The following DAPK1 variants were observed in gnomAD, a reference collection of about 807,000 sequenced individuals.
DAPK1 encodes death associated protein kinase 1.
Under a neutral mutation model 144.9 loss-of-function variants are expected in DAPK1, and 56 were observed. The observed-to-expected ratio is 0.39, with a 90% CI of 0.31 to 0.48. The LOEUF is 0.48. Among genes scored for constraint, DAPK1 ranks in the 20% least tolerant of loss-of-function variants. The probability of loss-of-function intolerance (pLI) is 0.95; values close to 1 mark genes in which losing one functional copy is unlikely to be tolerated. For synonymous variants in DAPK1, 690 were observed against 749.0 expected, an observed-to-expected ratio of 0.92 and a Z score of 1.29; for missense variants, 1,454 against 1,875.4, an observed-to-expected ratio of 0.78 and a Z score of 4.15.
chr9:87,549,612 A>T (rs1045832513), intron 2 of DAPK1, among the ~76,000 whole-genome samples: 3 of 152,184 alleles, frequency 2.0e-5, no homozygotes, highest in Non-Finnish European at 4.4e-5. Context: ...AGAATGTAGA[A>T]TGAAGAACAC....
intron 2 of DAPK1, among the ~76,000 whole-genome samples, chr9:87,514,649 G>A (rs1455981366): frequency 1.3e-5 from 2 of 152,174 alleles, no homozygotes; most frequent in African/African-American, 4.8e-5. Context: ...AGGAGGGTTC[G>A]CATTAATTGT....
intron 7 of DAPK1, among the ~76,000 whole-genome samples, chr9:87,640,058 G>A (rs1029871964): frequency 4.6e-5 from 7 of 152,170 alleles, no homozygotes; most frequent in Admixed American, 1.3e-4. Context: ...CATCACTGCC[G>A]AGAAAACAGG....
At position 87,706,898 on chromosome 9, in the gene DAPK1, A is replaced by C; in HGVS notation, c.3827A>C (p.Lys1276Thr). ...TSLTNTMGGY[K>T]ESFSSIMCFG... ...CTGACCAACACCATGGGGGGGTACA[A>C]GGAAAGCTTCAGCAGCATCATGTGC... Residue 1276 changes from lysine (K) to threonine (T), a missense_variant, in exon 26 of 26, where the codon AAG (lysine) becomes ACG (threonine). This residue lies in a region of DAPK1 where 1,025 missense variants were observed against 1,237.9 expected (regional missense o/e 0.83). Coordinates refer to ENST00000408954, the MANE Select transcript of DAPK1 (RefSeq NM_004938.4). The surrounding 1 kb of genome is among the most constrained non-coding windows in gnomAD (Gnocchi z 9.0). 6.2e-7 allele frequency: 1 copy of C among 1,614,016 alleles called. No individual in the cohort carries two copies. The highest frequency in any genetic ancestry group is 8.5e-7 in the Non-Finnish European group (1 of 1,180,010).
chr9:87,505,586 G>A (rs1191817457), intron 2 of DAPK1, among the ~76,000 whole-genome samples: 1 of 152,062 alleles, frequency 6.6e-6, no homozygotes, highest in African/African-American at 2.4e-5. Context: ...TAGTAGAGAC[G>A]GGGTTTCACC....
intron 19 of DAPK1, among the ~76,000 whole-genome samples, chr9:87,669,448 C>T (rs959963062): frequency 1.3e-4 from 19 of 151,822 alleles, no homozygotes; most frequent in African/African-American, 3.6e-4. Flanking sequence ...TGATGTTTTT[C>T]GATTTTGCTA....
In DAPK1 at chr9:87,706,888, G is replaced by A. The variant is rs763428159; in HGVS notation, c.3817G>A (p.Gly1273Arg). The A allele has an allele frequency of 2.5e-6, 4 of 1,613,864 alleles. No individual in the cohort carries two copies. The highest frequency in any genetic ancestry group is 3.4e-6 in the Non-Finnish European group (4 of 1,180,008). The change falls in exon 26 of 26, where the codon GGG (glycine) becomes AGG (arginine). Residue 1273 changes from glycine (G) to arginine (R), a missense_variant. Transcript: ENST00000408954. This position sits in a 1 kb window ranked among gnomAD's most constrained non-coding sequence, Gnocchi z 9.0. ...LKETSLTNTM[G>R]GYKESFSSIM... ...GGAAACCTCACTGACCAACACCATG[G>A]GGGGGTACAAGGAAAGCTTCAGCAG...
intron 2 of DAPK1, among the ~76,000 whole-genome samples, chr9:87,528,758 GC>G (rs1825600409): frequency 8.6e-6 from 1 of 116,066 alleles, no homozygotes; most frequent in Non-Finnish European, 1.9e-5. Flanking sequence ...TGTACTCCCA[GC>G]TACTCGGGAG....
At chr9:87,539,430 CT>C (rs34369093) in intron 2 of DAPK1, among the ~76,000 whole-genome samples, 30 of 129,228 alleles carry the variant, frequency 2.3e-4, no homozygotes, top group Admixed American at 5.9e-4. Context: ...AAATTTCTCA[CT>C]TTTTTTTTTT....
chr9:87,524,556 G>A, intron 2 of DAPK1, among the ~76,000 whole-genome samples: 1 of 152,180 alleles, frequency 6.6e-6, no homozygotes, highest in East Asian at 1.9e-4. Context: ...GGAGACACCA[G>A]CCAGGTCCTT....
At position 87,510,124 on chromosome 9, in the gene DAPK1, A is replaced by C. The variant is rs36228633; in HGVS notation, c.62+10985A>C. 4.1e-3 allele frequency among the ~76,000 whole-genome samples: 628 copies of C among 152,268 alleles called. 5 individuals are homozygous for C. The highest frequency in any genetic ancestry group is 0.014 in the African/African-American group (583 of 41,562). ...GTGAATTAGCACAAGTGGAATATCT[A>C]CAGGATGAAACGTTGTCAGTCTGTG... On this transcript the variant is annotated intron_variant, in intron 2 of 25. Transcript: ENST00000408954.
intron 2 of DAPK1, among the ~76,000 whole-genome samples, chr9:87,522,851 G>GT (rs1825350642): frequency 6.6e-6 from 1 of 152,196 alleles, no homozygotes; most frequent in South Asian, 2.1e-4. Flanking sequence ...ATGAATAAGT[G>GT]TAAGCATGTT....
chr9:87,603,975 G>A (rs1828618966), intron 2 of DAPK1, among the ~76,000 whole-genome samples: 1 of 152,188 alleles, frequency 6.6e-6, no homozygotes, highest in Non-Finnish European at 1.5e-5. Context: ...ACTGACTTGA[G>A]CCATAAAAGG....
intron 3 of DAPK1, chr9:87,631,934 A>C: frequency 2.8e-6 from 1 of 358,216 alleles, no homozygotes; most frequent in Non-Finnish European, 3.9e-6. Context: ...TGGCAAAAAC[A>C]TCTGCCTTCA....
At chr9:87,695,095 G>A (rs962299457) in intron 21 of DAPK1, among the ~76,000 whole-genome samples, 9 of 152,210 alleles carry the variant, frequency 5.9e-5, no homozygotes, top group African/African-American at 2.2e-4. Flanking sequence ...AGCACAGAGA[G>A]AAGAGAAACT....
chr9:87,628,401 C>T (rs770492513), intron 3 of DAPK1, among the ~76,000 whole-genome samples: 18 of 152,100 alleles, frequency 1.2e-4, no homozygotes, highest in African/African-American at 2.2e-4. Flanking sequence ...TGTCTCTGAC[C>T]CCCTGAATCT....
intron 2 of DAPK1, among the ~76,000 whole-genome samples, chr9:87,565,421 C>T (rs1440984550): frequency 6.6e-6 from 1 of 152,166 alleles, no homozygotes; most frequent in Non-Finnish European, 1.5e-5. Flanking sequence ...GGGATGATGT[C>T]TTCCAATGCC....
chr9:87,681,491 G>T lies in DAPK1; in HGVS notation c.2089G>T (p.Gly697Ter). Reference protein sequence around the residue: ...RIKLKLFGHSGSGKTTLVESL... With the variant: ...RIKLKLFGHS ...TAAGCTCAAGCTGTTTGGCCACTCGGGATCCGGGAAAACCACCCTTGTAGA... is the reference window on the plus strand; with the variant it reads ...TAAGCTCAAGCTGTTTGGCCACTCGTGATCCGGGAAAACCACCCTTGTAGA... The change falls in exon 20 of 26, where the codon GGA becomes TGA. Residue 697 changes from glycine (G) to a stop codon, truncating the protein, a stop_gained. Transcript: ENST00000408954. LOFTEE classifies it high-confidence loss of function. The T allele has an allele frequency of 6.2e-7, 1 of 1,613,348 alleles. No homozygotes were observed.
In DAPK1 at chr9:87,681,688, T is replaced by C. The variant is rs755770646; in HGVS notation, c.2224+62T>C. On this transcript the variant is annotated intron_variant, in intron 20 of 25. Transcript: ENST00000408954. The stretch of plus-strand genomic sequence containing the variant: ...GTGTTGGCTTCCGCACTCTCTCCTT[T>C]CAAGGTCTAGGGGGGAAGGGAGTTG... 5.9e-6 allele frequency: 5 copies of C among 853,366 alleles called. No individual in the cohort carries two copies. The Admixed American group carries it at 7.6e-5, about 13-fold the overall frequency. 52.9% of individuals were successfully genotyped at this position (853,366 alleles called of 1,614,324 possible).
At chr9:87,630,537 G>C (rs567844858) in intron 3 of DAPK1, among the ~76,000 whole-genome samples, 1 of 152,190 alleles carries the variant, frequency 6.6e-6, no homozygotes, top group African/African-American at 2.4e-5. Context: ...TGGCCAAAGA[G>C]AGAGATGAGA....
Sources: gnomAD v4.1 joint callset for allele counts (sites outside exome capture counted in the v4.1 genomes callset) on GRCh38, gnomAD v4.1.1 for gene constraint, gnomAD v4.1.1 regional missense constraint, Gnocchi (gnomAD v3.1) non-coding constraint, MANE v1.5 for transcripts, NCBI Gene and HGNC (gene_info 2026-07-23, HGNC 2026-07-21) for gene names.